MAML2: variants seen among roughly 807,000 people sequenced by gnomAD.
MAML2 encodes the protein mastermind-like protein 2.
In MAML2, 22 loss-of-function variants were observed where a neutral mutation model predicts 96.1. The ratio of observed to expected loss-of-function variants is 0.23; its 90% CI spans 0.16 to 0.33. The LOEUF is 0.33. MAML2 is among the 10% of genes least tolerant of loss of function. MAML2 has a pLI of 1.00. For missense variants in MAML2, 1,367 were observed against 1,392.4 expected, an observed-to-expected ratio of 0.98 and a Z score of 0.29; for synonymous variants, 561 against 521.3, an observed-to-expected ratio of 1.08 and a Z score of -1.04.
chr11:96,004,213 A>G (rs1191961063), intron 2 of MAML2, among the ~76,000 whole-genome samples: 1 of 152,200 alleles, frequency 6.6e-6, no homozygotes, highest in Non-Finnish European at 1.5e-5. Context: ...ACAAGTTATC[A>G]ACATTTTCTA....
chr11:96,195,104 T>G (rs879911716), intron 1 of MAML2, among the ~76,000 whole-genome samples: 3 of 152,192 alleles, frequency 2.0e-5, no homozygotes, highest in Admixed American at 6.5e-5. Context: ...TACTTCACAT[T>G]TTACCTCAGT....
At chr11:96,116,644 G>T (rs535640175) in intron 1 of MAML2, among the ~76,000 whole-genome samples, 82 of 152,336 alleles carry the variant, frequency 5.4e-4, no homozygotes, top group African/African-American at 1.9e-3. Context: ...TTGGGAGGAA[G>T]AAGGTGGGAA....
chr11:96,235,044 G>A (rs11021485), intron 1 of MAML2, among the ~76,000 whole-genome samples: 12,405 of 152,110 alleles, frequency 0.082, 657 homozygotes, highest in Non-Finnish European at 0.12. Flanking sequence ...TTCTCAAGAA[G>A]GCTATAAAAA....
chr11:96,333,452 CT>C (rs1454589639), intron 1 of MAML2, among the ~76,000 whole-genome samples: 1 of 150,912 alleles, frequency 6.6e-6, no homozygotes, highest in Non-Finnish European at 1.5e-5. Context: ...AGAATGGAGA[CT>C]ATTTGTTTTC....
chr11:96,201,790 G>A (rs1013139954), intron 1 of MAML2, among the ~76,000 whole-genome samples: 8 of 151,738 alleles, frequency 5.3e-5, no homozygotes, highest in African/African-American at 1.9e-4. Context: ...GTGGTGGCGG[G>A]CACCTGTAGT....
At chr11:96,010,858 G>C (rs150386786) in intron 2 of MAML2, among the ~76,000 whole-genome samples, 3 of 152,198 alleles carry the variant, frequency 2.0e-5, no homozygotes, top group Admixed American at 2.0e-4. Flanking sequence ...TATTTTAAAA[G>C]TAATTTCATG....
At chr11:96,233,698 C>T (rs892419264) in intron 1 of MAML2, among the ~76,000 whole-genome samples, 1 of 152,172 alleles carries the variant, frequency 6.6e-6, no homozygotes, top group African/African-American at 2.4e-5. Context: ...CATAAGCTAC[C>T]ATGCCTGACC....
At chr11:96,126,619 C>G (rs894405287) in intron 1 of MAML2, among the ~76,000 whole-genome samples, 3 of 152,030 alleles carry the variant, frequency 2.0e-5, no homozygotes, top group Non-Finnish European at 4.4e-5. Flanking sequence ...ATTCTGATGA[C>G]GAGGTGTTAG....
intron 1 of MAML2, among the ~76,000 whole-genome samples, chr11:96,305,185 T>C (rs1475092742): frequency 1.3e-5 from 2 of 152,208 alleles, no homozygotes; most frequent in Non-Finnish European, 2.9e-5. Flanking sequence ...AGATCAGTAG[T>C]TGCCTGCAGT....
At chr11:96,300,630 T>TACAATGGAAAAGAGTTTTCAGTGTGC (rs1181352451) in intron 1 of MAML2, among the ~76,000 whole-genome samples, 6 of 152,144 alleles carry the variant, frequency 3.9e-5, no homozygotes, top group Admixed American at 1.3e-4. Flanking sequence ...GAAGTTTATT[T>TACAATGGAAAAGAGTTTTCAGTGTGC]ACAATGGAAA....
At position 96,285,180 on chromosome 11, in the gene MAML2, C is replaced by T. The variant is rs544761586; in HGVS notation, c.513+56203G>A. Among the ~76,000 whole-genome samples the T allele has an allele frequency of 3.9e-5, 6 of 152,236 alleles. No individual in the cohort carries two copies. In the South Asian group the frequency reaches 6.2e-4, roughly 16 times the overall value. On this transcript the variant is annotated intron_variant, in intron 1 of 4. Transcript: ENST00000524717. ...TTCTCTTAACAGATATATGAAACCA[C>T]GTCTACTCATATTTCTACTGTAGCA...
intron 1 of MAML2, among the ~76,000 whole-genome samples, chr11:96,131,280 T>C (rs1860544705): frequency 6.6e-6 from 1 of 151,586 alleles, no homozygotes; most frequent in Admixed American, 6.6e-5. Flanking sequence ...CTTAAAAACA[T>C]GTGAAAAAAT....
At chr11:96,227,997 G>T (rs1334224289) in intron 1 of MAML2, among the ~76,000 whole-genome samples, 1 of 152,202 alleles carries the variant, frequency 6.6e-6, no homozygotes, top group Non-Finnish European at 1.5e-5. Flanking sequence ...AGCCACTCGG[G>T]GGGCTGAGGT....
intron 1 of MAML2, among the ~76,000 whole-genome samples, chr11:96,188,014 T>C (rs1008829103): frequency 2.6e-5 from 4 of 152,092 alleles, no homozygotes; most frequent in Non-Finnish European, 5.9e-5. Flanking sequence ...TTAAATGGAG[T>C]TGTCCCTCTG....
At chr11:96,105,737 C>G (rs1860011311) in intron 1 of MAML2, among the ~76,000 whole-genome samples, 1 of 152,102 alleles carries the variant, frequency 6.6e-6, no homozygotes, top group East Asian at 1.9e-4. Context: ...ACCATTTAGA[C>G]AGATACTCTC....
intron 1 of MAML2, among the ~76,000 whole-genome samples, chr11:96,151,261 T>C (rs1441053936): frequency 6.6e-6 from 1 of 152,224 alleles, no homozygotes; most frequent in Admixed American, 6.5e-5. Context: ...TTCTGATCCA[T>C]AGGGCTGAGC....
At chr11:96,301,073 G>A (rs974359772) in intron 1 of MAML2, among the ~76,000 whole-genome samples, 2 of 152,166 alleles carry the variant, frequency 1.3e-5, no homozygotes, top group Non-Finnish European at 2.9e-5. Context: ...CTAGCCTTAT[G>A]GTTTGGATAA....
At chr11:95,997,750 C>T (rs993968681) in intron 2 of MAML2, among the ~76,000 whole-genome samples, 16 of 152,080 alleles carry the variant, frequency 1.1e-4, no homozygotes, top group African/African-American at 1.4e-4. Context: ...CAAGTGGTCC[C>T]GAGCCCACTC....
chr11:96,202,177 C>CAAAAAAAAAAAAAAA (rs35124521), intron 1 of MAML2, among the ~76,000 whole-genome samples: 4 of 75,874 alleles, frequency 5.3e-5, no homozygotes, highest in African/African-American at 1.8e-4. Context: ...ACTAAAAATA[C>CAAAAAAAAAAAAAAA]AAAAAAAAAA....
Sources: allele counts gnomAD v4.1 joint callset (sites outside exome capture counted in the v4.1 genomes callset), GRCh38; gene constraint gnomAD v4.1.1; transcripts MANE v1.5; gene names NCBI Gene and HGNC (gene_info 2026-07-23, HGNC 2026-07-21).